TET1: variants seen among roughly 807,000 people sequenced by gnomAD.
The protein encoded by TET1 is tet methylcytosine dioxygenase 1.
In TET1, 13 loss-of-function variants were observed where a neutral mutation model predicts 148.7. The observed-to-expected ratio is 0.09, with a 90% CI of 0.06 to 0.14. The LOEUF (loss-of-function observed/expected upper bound fraction) is 0.14, where lower values mean the gene tolerates loss of function less well. Ranked by LOEUF, TET1 falls within the 10% of genes least tolerant of loss-of-function variation. TET1 has a pLI of 1.00. For missense variants in TET1, 2,182 were observed against 2,553.8 expected, an observed-to-expected ratio of 0.85 and a Z score of 3.14; for synonymous variants, 907 against 937.2, an observed-to-expected ratio of 0.97 and a Z score of 0.59.
intron 2 of TET1, among the ~76,000 whole-genome samples, chr10:68,580,805 AATAT>A (rs1554930544): frequency 6.4e-5 from 6 of 94,402 alleles, no homozygotes; most frequent in African/African-American, 2.6e-4. Context: ...AAAAAAAAAA[AATAT>A]ATATATATAT....
intron 2 of TET1, among the ~76,000 whole-genome samples, chr10:68,600,375 C>T (rs1255969333): frequency 6.6e-6 from 1 of 152,118 alleles, no homozygotes; most frequent in Non-Finnish European, 1.5e-5. Context: ...TTTGTTGAAG[C>T]CTCCTGTGAT....
chr10:68,597,177 G>A (rs535307734), intron 2 of TET1, among the ~76,000 whole-genome samples: 1 of 151,786 alleles, frequency 6.6e-6, no homozygotes, highest in African/African-American at 2.4e-5. Flanking sequence ...GGGACTATAG[G>A]TGCATGCCAC....
chr10:68,648,884 A>T lies in TET1; in HGVS notation c.4276+1879A>T, dbSNP rs140866016. 2.2e-3 allele frequency among the ~76,000 whole-genome samples: 328 copies of T among 152,292 alleles called. 2 individuals carry two copies. Among genetic ancestry groups the T allele is most frequent in the African/African-American group, 7.6e-3 (318 of 41,570 alleles). On this transcript the variant is annotated intron_variant, in intron 4 of 11. Transcript: ENST00000373644. ...TGCCTCAGCTTCCTAAAGTGCTGGG[A>T]TTACAGACATGAACCACCACACCAG...
In TET1 at chr10:68,565,475, A is replaced by ATATAT. The variant is rs1554927790; in HGVS notation, c.-123+4733_-123+4734insTATAT. ...AGCAAGACCCTGTTTAAAAAAAAAA[A>ATATAT]ATATATATATATATATATATATATG... On this transcript the variant is annotated intron_variant, in intron 1 of 11. Transcript: ENST00000373644. 2.5e-4 allele frequency among the ~76,000 whole-genome samples: 32 copies of ATATAT among 129,226 alleles called. No individual in the cohort carries two copies. The East Asian group carries it at 2.7e-3, about 11-fold the overall frequency. The allele number at this position is 129,226 out of a possible 152,430, so 84.8% of individuals were successfully genotyped here.
chr10:68,593,721 T>A (rs1263495381), intron 2 of TET1, among the ~76,000 whole-genome samples: 2 of 152,042 alleles, frequency 1.3e-5, no homozygotes, highest in Non-Finnish European at 2.9e-5. Context: ...CAAGCGATTA[T>A]CCTGCCTCAG....
At chr10:68,574,594 A>G (rs1044547320) in intron 2 of TET1, among the ~76,000 whole-genome samples, 8 of 152,194 alleles carry the variant, frequency 5.3e-5, no homozygotes, top group Non-Finnish European at 8.8e-5. Context: ...TCTTTTGGCT[A>G]GTTGCATGTC....
intron 3 of TET1, among the ~76,000 whole-genome samples, chr10:68,620,993 T>G (rs533943580): frequency 1.3e-5 from 2 of 152,386 alleles, no homozygotes; most frequent in African/African-American, 4.8e-5. Flanking sequence ...TTTGACTGTT[T>G]ATTATTGAAT....
intron 11 of TET1, among the ~76,000 whole-genome samples, chr10:68,690,465 A>G (rs2055574270): frequency 6.6e-6 from 1 of 152,134 alleles, no homozygotes; most frequent in Non-Finnish European, 1.5e-5. Context: ...AAAATTAGCC[A>G]GGCGTGGTGG....
At position 68,645,076 on chromosome 10, in the gene TET1, G is replaced by A. The variant is rs376078561; in HGVS notation, c.2347G>A (p.Gly783Ser). 1.8e-5 allele frequency: 29 copies of A among 1,612,280 alleles called. No homozygotes were observed. Among genetic ancestry groups the A allele is most frequent in the African/African-American group, 1.2e-4 (9 of 74,778 alleles). Reference protein sequence around the residue: ...SFKKFNIEEFGKTLENNSYKF... With the variant: ...SFKKFNIEEFSKTLENNSYKF... ...TAAAAAATTCAATATTGAAGAATTC[G>A]GCAAGACATTGGAAAACAATTCTTA... The change falls in exon 4 of 12, where the codon GGC (glycine) becomes AGC (serine). Residue 783 changes from glycine to serine, a missense_variant. Physicochemically the swap from Gly to Ser is moderately conservative, Grantham distance 56 (BLOSUM62 0). Around this residue, in one of 11 missense-constraint regions of TET1, gnomAD observed 226 missense variants for 307.4 expected, o/e 0.74. Coordinates refer to ENST00000373644, the MANE Select transcript of TET1 (RefSeq NM_030625.3).
chr10:68,609,542 G>A (rs933218057), intron 3 of TET1, among the ~76,000 whole-genome samples: 1 of 152,176 alleles, frequency 6.6e-6, no homozygotes, highest in African/African-American at 2.4e-5. Context: ...CTGGGCTTAA[G>A]CAATCATCCT....
At chr10:68,563,557 T>G (rs2053576609) in intron 1 of TET1, among the ~76,000 whole-genome samples, 1 of 152,234 alleles carries the variant, frequency 6.6e-6, no homozygotes, top group Non-Finnish European at 1.5e-5. Context: ...TGACTTTAAT[T>G]TAACATGCAG....
In TET1 at chr10:68,651,945, A is replaced by AT; in HGVS notation, c.4367+10dup. 1 of 1,609,088 alleles carries AT rather than the reference A, an allele frequency of 6.2e-7. No individual in the cohort carries two copies. Among genetic ancestry groups the AT allele is most frequent in the Non-Finnish European group, 8.5e-7 (1 of 1,176,544 alleles). On this transcript the variant is annotated intron_variant, in intron 5 of 11. Transcript: ENST00000373644. ...GAAATCATGGAGAATAGGTGAGGAA[A>AT]TACGCTTCCCTGTTAAAATCATTCT...
intron 2 of TET1, among the ~76,000 whole-genome samples, chr10:68,598,146 T>TG (rs535999301): frequency 1.5e-3 from 234 of 152,336 alleles, no homozygotes; most frequent in Middle Eastern, 6.8e-3. Flanking sequence ...CCCAGCACTT[T>TG]GGGAGGCCAA....
At chr10:68,661,341 C>T (rs954441714) in intron 6 of TET1, among the ~76,000 whole-genome samples, 1 of 151,400 alleles carries the variant, frequency 6.6e-6, no homozygotes, top group African/African-American at 2.4e-5. Context: ...AGCCACTGCA[C>T]CCAGCCTCTA....
At position 68,690,851 on chromosome 10, in the gene TET1, C is replaced by T. The variant is rs916131327; in HGVS notation, c.5448C>T (p.Thr1816=). The T allele has an allele frequency of 1.2e-5, 19 of 1,612,910 alleles. No homozygotes were observed. The highest frequency in any genetic ancestry group is 4.0e-5 in the African/African-American group (3 of 74,874). Residue 1816 remains threonine, a synonymous_variant, in exon 12 of 12, where the codon ACC becomes ACT. Transcript: ENST00000373644. ...TGCAACCTGAAGTAAAAAGTGAAACCGAACCCCATTTTATCTTAAAAAGTT... is the reference window on the plus strand; with the variant it reads ...TGCAACCTGAAGTAAAAAGTGAAACTGAACCCCATTTTATCTTAAAAAGTT... The part of the protein sequence containing the change: ...ETVQPEVKSE[T]EPHFILKSSD...
chr10:68,597,360 C>A (rs905431306), intron 2 of TET1, among the ~76,000 whole-genome samples: 1 of 152,034 alleles, frequency 6.6e-6, no homozygotes. Context: ...ACAATTCTAT[C>A]ATAATATATC....
intron 3 of TET1, among the ~76,000 whole-genome samples, chr10:68,630,339 T>C (rs2054551181): frequency 6.6e-6 from 1 of 152,196 alleles, no homozygotes; most frequent in South Asian, 2.1e-4. Context: ...TGACACGGAG[T>C]GTCGCTCTGT....
intron 11 of TET1, among the ~76,000 whole-genome samples, chr10:68,687,109 G>C (rs1443743775): frequency 7.3e-5 from 11 of 151,646 alleles, no homozygotes; most frequent in Admixed American, 7.2e-4. Flanking sequence ...GGATGGTCTC[G>C]ATCTCCTGAC....
Position 68,686,637 on chromosome 10 carries a change from T to G in TET1, c.5334T>G (p.Ile1778Met), listed in dbSNP as rs539035050. ...HKIRAVEKKPIPRIKRKNNST... is the reference protein window; with the variant it reads ...HKIRAVEKKPMPRIKRKNNST... ...TAAGGGCAGTGGAAAAGAAACCTAT[T>G]CCCCGAATCAAGCGGAAGAATAACT... The change falls in exon 11 of 12, where the codon ATT becomes ATG. Residue 1778 changes from isoleucine to methionine, a missense_variant. Around this residue, in one of 11 missense-constraint regions of TET1, gnomAD observed 380 missense variants for 387.9 expected, o/e 0.98. Coordinates refer to ENST00000373644, the MANE Select transcript of TET1 (RefSeq NM_030625.3). The G allele has an allele frequency of 1.2e-4, 196 of 1,613,878 alleles. No individual in the cohort carries two copies. The highest frequency in any genetic ancestry group is 1.6e-4 in the Non-Finnish European group (193 of 1,180,022).
Sources: allele counts gnomAD v4.1 joint callset (sites outside exome capture counted in the v4.1 genomes callset), GRCh38; gene constraint gnomAD v4.1.1; regional missense constraint gnomAD v4.1.1; transcripts MANE v1.5; gene names NCBI Gene and HGNC (gene_info 2026-07-23, HGNC 2026-07-21).